AP3B1: variants seen among roughly 807,000 people sequenced by gnomAD.
The protein encoded by AP3B1 is AP-3 complex subunit beta-1.
In AP3B1, 61 loss-of-function variants were observed where a neutral mutation model predicts 132.5. The ratio of observed to expected loss-of-function variants is 0.46; its 90% CI spans 0.37 to 0.57. AP3B1 has a LOEUF of 0.57. Among genes scored for constraint, AP3B1 ranks in the 20% least tolerant of loss-of-function variants. The pLI, the probability that AP3B1 is intolerant of heterozygous loss-of-function variation, is 0.00. For synonymous variants in AP3B1, 388 were observed against 438.3 expected (o/e 0.89, Z 1.43); for missense variants, 1,120 against 1,289.4 (o/e 0.87, Z 2.01).
chr5:78,133,712 G>A (rs1752778148), intron 15 of AP3B1, among the ~76,000 whole-genome samples: 1 of 152,040 alleles, frequency 6.6e-6, no homozygotes, highest in South Asian at 2.1e-4. Flanking sequence ...CACAAGATAA[G>A]CAATGACAGT....
intron 21 of AP3B1, among the ~76,000 whole-genome samples, chr5:78,092,848 C>T (rs150368864): frequency 9.5e-4 from 144 of 152,150 alleles, no homozygotes; most frequent in African/African-American, 3.3e-3. Context: ...AGGAGTCTCA[C>T]TTTGTTGTCC....
chr5:78,122,146 A>G (rs1752235766), intron 17 of AP3B1, among the ~76,000 whole-genome samples: 1 of 152,072 alleles, frequency 6.6e-6, no homozygotes, highest in Non-Finnish European at 1.5e-5. Context: ...AAATTCAACA[A>G]CCCTTCATGC....
At chr5:78,110,765 T>C (rs1358371288) in intron 19 of AP3B1, among the ~76,000 whole-genome samples, 1 of 148,078 alleles carries the variant, frequency 6.8e-6, no homozygotes, top group African/African-American at 2.4e-5. Context: ...TATATATTCA[T>C]GTATATATAC....
chr5:78,266,839 G>A (rs1475327882), intron 2 of AP3B1, among the ~76,000 whole-genome samples: 2 of 152,022 alleles, frequency 1.3e-5, no homozygotes, highest in Non-Finnish European at 2.9e-5. Context: ...TACGTACAGA[G>A]AGTGCAACAT....
intron 17 of AP3B1, among the ~76,000 whole-genome samples, chr5:78,118,553 C>T (rs539614331): frequency 2.0e-5 from 3 of 152,344 alleles, no homozygotes; most frequent in Non-Finnish European, 2.9e-5. Flanking sequence ...GAGGGTCCTA[C>T]ACCCACGGAG....
chr5:78,017,324 T>C (rs1275301353), intron 25 of AP3B1, among the ~76,000 whole-genome samples: 2 of 152,078 alleles, frequency 1.3e-5, no homozygotes, highest in East Asian at 3.8e-4. Flanking sequence ...TATTTTTAAC[T>C]CATGCTGTTT....
chr5:78,122,183 G>A (rs1752238396), intron 17 of AP3B1, among the ~76,000 whole-genome samples: 1 of 152,164 alleles, frequency 6.6e-6, no homozygotes, highest in Non-Finnish European at 1.5e-5. Flanking sequence ...ATTAGGTATT[G>A]ATGGGATGTA....
chr5:78,064,733 A>G (rs1454687856), intron 22 of AP3B1, among the ~76,000 whole-genome samples: 2 of 152,238 alleles, frequency 1.3e-5, no homozygotes, highest in Non-Finnish European at 2.9e-5. Flanking sequence ...TGGAATATTA[A>G]GCTACGTTTA....
intron 7 of AP3B1, among the ~76,000 whole-genome samples, chr5:78,199,942 T>C (rs1246935408): frequency 6.6e-6 from 1 of 152,154 alleles, no homozygotes; most frequent in Non-Finnish European, 1.5e-5. Context: ...TTCTTGTATC[T>C]AAATTATAGG....
chr5:78,208,604 G>T (rs1745608093), intron 7 of AP3B1, among the ~76,000 whole-genome samples: 1 of 152,116 alleles, frequency 6.6e-6, no homozygotes. Flanking sequence ...AATTTAGTAT[G>T]TTGATTATTT....
chr5:78,062,255 T>C (rs1749090652), intron 22 of AP3B1, among the ~76,000 whole-genome samples: 1 of 152,230 alleles, frequency 6.6e-6, no homozygotes, highest in Non-Finnish European at 1.5e-5. Context: ...TTAAACTTCA[T>C]GTTTTTGTTT....
intron 22 of AP3B1, among the ~76,000 whole-genome samples, chr5:78,061,273 A>T (rs544167923): frequency 1.2e-4 from 18 of 148,382 alleles, no homozygotes; most frequent in Non-Finnish European, 1.6e-4. Flanking sequence ...AAAACCAGAT[A>T]AAAAAAAGAC....
chr5:78,146,696 C>T (rs537010152), intron 14 of AP3B1, among the ~76,000 whole-genome samples: 39 of 152,046 alleles, frequency 2.6e-4, no homozygotes, highest in Non-Finnish European at 4.4e-4. Flanking sequence ...TTTTATATCC[C>T]TATACTTTAA....
intron 14 of AP3B1, among the ~76,000 whole-genome samples, chr5:78,153,336 G>C (rs1753748167): frequency 6.6e-6 from 1 of 152,050 alleles, no homozygotes; most frequent in Non-Finnish European, 1.5e-5. Flanking sequence ...TGTAGGAAGA[G>C]ACAGACATTT....
At chr5:78,190,410 G>A (rs997092752) in intron 7 of AP3B1, among the ~76,000 whole-genome samples, 1 of 152,086 alleles carries the variant, frequency 6.6e-6, no homozygotes, top group Non-Finnish European at 1.5e-5. Flanking sequence ...GTTTTTATGA[G>A]GTTAATGAAA....
At position 78,184,370 on chromosome 5, in the gene AP3B1, T is replaced by C. The variant is rs187942294; in HGVS notation, c.787-2708A>G. 2.0e-4 allele frequency among the ~76,000 whole-genome samples: 30 copies of C among 151,174 alleles called. 1 individual carries two copies. The East Asian group carries it at 4.9e-3, about 25-fold the overall frequency. On this transcript the variant is annotated intron_variant, in intron 7 of 26. Transcript: ENST00000255194. ...TTACCCAATCTGAACAAAGATAAAA[T>C]AGACTAGGGACAAAAAAAATCAAAA...
chr5:78,050,031 G>A (rs1447085227), intron 22 of AP3B1, among the ~76,000 whole-genome samples: 6 of 152,068 alleles, frequency 3.9e-5, no homozygotes, highest in African/African-American at 7.2e-5. Flanking sequence ...TCTTGAACTC[G>A]TTGTTTATTC....
At chr5:78,135,360 T>G (rs569698791) in intron 15 of AP3B1, among the ~76,000 whole-genome samples, 5 of 152,270 alleles carry the variant, frequency 3.3e-5, no homozygotes, top group African/African-American at 1.2e-4. Context: ...TATCTACTTA[T>G]GTAAAATTTG....
At position 78,026,352 on chromosome 5, in the gene AP3B1, A is replaced by T. The variant is rs551102771; in HGVS notation, c.2895-5563T>A. On this transcript the variant is annotated intron_variant, in intron 24 of 26. Coordinates refer to ENST00000255194, the MANE Select transcript of AP3B1 (RefSeq NM_003664.5). ...TAGCATATATTCTTGTAGTACATGT[A>T]ACCTCAGTTCACGGATTCCTTTATA... Among the ~76,000 whole-genome samples, 5 of 152,334 alleles carry T rather than the reference A, an allele frequency of 3.3e-5. 1 individual carries two copies. The highest frequency in any genetic ancestry group is 1.2e-4 in the African/African-American group (5 of 41,576).
Sources: gnomAD v4.1 joint callset for allele counts (sites outside exome capture counted in the v4.1 genomes callset) on GRCh38, gnomAD v4.1.1 for gene constraint, MANE v1.5 for transcripts, NCBI Gene and HGNC (gene_info 2026-07-23, HGNC 2026-07-21) for gene names.